CENPU: variants seen among roughly 807,000 people sequenced by gnomAD.
CENPU encodes the protein centromere protein U.
CENPU carries 46 observed loss-of-function variants against 56.7 expected under a neutral mutation model. That is an observed-to-expected ratio of 0.81 (90% CI 0.64 to 1.04). The LOEUF (loss-of-function observed/expected upper bound fraction) is 1.04. CENPU is among the 50% of genes least tolerant of loss of function. The pLI, the probability that CENPU is intolerant of heterozygous loss-of-function variation, is 0.00. For missense variants in CENPU, 510 were observed against 490.1 expected (o/e 1.04, Z -0.38); for synonymous variants, 166 against 163.0 (o/e 1.02, Z -0.14).
At chr4:184,704,792 A>G (rs961239161) in intron 8 of CENPU, among the ~76,000 whole-genome samples, 1 of 152,176 alleles carries the variant, frequency 6.6e-6, no homozygotes, top group East Asian at 1.9e-4. Context: ...ATGAGGAGTC[A>G]TTGCTCGAAT....
intron 7 of CENPU, among the ~76,000 whole-genome samples, chr4:184,711,354 G>A (rs1760918527): frequency 6.6e-6 from 1 of 152,050 alleles, no homozygotes; most frequent in African/African-American, 2.4e-5. Context: ...TGTATGTATT[G>A]TGTAAAAAAA....
chr4:184,712,804 C>A, intron 7 of CENPU, 140 bp downstream of exon 7: 1 of 602,986 alleles, frequency 1.7e-6, no homozygotes. Context: ...AAATGTTACT[C>A]CAAAGTCACA....
At chr4:184,731,008 T>G (rs776748801) in intron 1 of CENPU, 40 bp from the exon 2 acceptor site, 3 of 1,429,828 alleles carry the variant, frequency 2.1e-6, no homozygotes, top group Non-Finnish European at 2.9e-6. Context: ...AGGAAATAGT[T>G]AAAATAACTG....
intron 11 of CENPU, among the ~76,000 whole-genome samples, chr4:184,699,356 A>AAATAAATT (rs60530775): frequency 3.3e-5 from 5 of 151,704 alleles, no homozygotes; most frequent in Middle Eastern, 3.2e-3. Flanking sequence ...ATAAATAAAT[A>AAATAAATT]AAATAAACTT....
intron 6 of CENPU, among the ~76,000 whole-genome samples, chr4:184,714,711 A>G (rs2150216339): frequency 6.6e-6 from 1 of 152,368 alleles, no homozygotes; most frequent in East Asian, 1.9e-4. Context: ...CAAAAACAAC[A>G]TTCAACTAAT....
At chr4:184,700,764 C>A in intron 11 of CENPU, 56 bp downstream of exon 11, 1 of 1,435,224 alleles carries the variant, frequency 7.0e-7, no homozygotes, top group South Asian at 1.1e-5. Context: ...CTAAATGACA[C>A]ACCATCATTA....
At chr4:184,720,114 A>C (rs935319167) in intron 4 of CENPU, among the ~76,000 whole-genome samples, 1 of 152,234 alleles carries the variant, frequency 6.6e-6, no homozygotes, top group African/African-American at 2.4e-5. Context: ...TGTTCTGAGG[A>C]AACTCAAAGA....
At chr4:184,705,838 G>A (rs972350210) in intron 8 of CENPU, among the ~76,000 whole-genome samples, 28 of 152,198 alleles carry the variant, frequency 1.8e-4, no homozygotes, top group Admixed American at 6.5e-5. Flanking sequence ...GACATGCTAA[G>A]TGAAATAAGC....
Position 184,725,032 on chromosome 4 carries a change from G to A in CENPU, c.245C>T (p.Ala82Val), listed in dbSNP as rs1447227798. 1 of 1,611,662 alleles carries A rather than the reference G, an allele frequency of 6.2e-7. No homozygotes were observed. The highest frequency in any genetic ancestry group is 8.5e-7 in the Non-Finnish European group (1 of 1,178,642). Residue 82 changes from alanine (A) to valine (V), a missense_variant, in exon 4 of 13, where the codon GCT (alanine) becomes GTT (valine). Coordinates refer to ENST00000281453, the MANE Select transcript of CENPU (RefSeq NM_024629.4). ...ATGTTTGGAGAATTCTTCTTCATCA[G>A]CATATATAGCTGTGCTATGTAAAGG... ...DPPLHSTAIY[A>V]DEEEFSKHCG...
Position 184,700,514 on chromosome 4 carries a change from CCAAGCAGTT to C in CENPU, c.986+297_986+305del, listed in dbSNP as rs142767471. 9.2e-3 allele frequency among the ~76,000 whole-genome samples: 1,396 copies of C among 152,256 alleles called. 18 individuals carry two copies. Among genetic ancestry groups the C allele is most frequent in the African/African-American group, 0.032 (1,340 of 41,534 alleles). On this transcript the variant is annotated intron_variant, in intron 11 of 12. Transcript: ENST00000281453. ...GTAAGTGGCAGAGCTTGGGTTCAAC[CCAAGCAGTT>C]CAAGCAGTTTAATGTGTAGATTCTA... is the stretch of plus-strand genomic sequence containing the variant.
intron 4 of CENPU, among the ~76,000 whole-genome samples, chr4:184,720,106 T>C (rs1208334427): frequency 6.6e-6 from 1 of 152,172 alleles, no homozygotes; most frequent in African/African-American, 2.4e-5. Flanking sequence ...AAAATAGCTG[T>C]TCTGAGGAAA....
chr4:184,733,484 C>CTTTGGT (rs1761729142), intron 1 of CENPU: 1 of 884,908 alleles, frequency 1.1e-6, no homozygotes, highest in Non-Finnish European at 1.4e-6. Flanking sequence ...TGCAACCGAC[C>CTTTGGT]AAACGCTCGC....
rs564929936 is a variant in CENPU, at chr4:184,696,468, A to G, written c.1144-1067T>C. 2.0e-4 allele frequency among the ~76,000 whole-genome samples: 31 copies of G among 152,326 alleles called. No individual in the cohort carries two copies. In the South Asian group the frequency reaches 4.8e-3, roughly 23 times the overall value. On this transcript the variant is annotated intron_variant, in intron 12 of 12. Coordinates refer to ENST00000281453, the MANE Select transcript of CENPU (RefSeq NM_024629.4). ...AAAGTATTATGTTCAAGCTGAATCAATGCTACAGATAACTTGCCCAAATTT... is the reference window on the plus strand; with the variant it reads ...AAAGTATTATGTTCAAGCTGAATCAGTGCTACAGATAACTTGCCCAAATTT...
At position 184,695,261 on chromosome 4, in the gene CENPU, T is replaced by C. The variant is rs1760221617; in HGVS notation, c.*27A>G. The C allele has an allele frequency of 6.9e-7, 1 of 1,449,940 alleles. No individual in the cohort carries two copies. Among genetic ancestry groups the C allele is most frequent in the Non-Finnish European group, 9.7e-7 (1 of 1,030,880 alleles). 89.8% of individuals were successfully genotyped at this position (1,449,940 alleles called of 1,614,324 possible). A position where few individuals can be genotyped will look rare whatever the true frequency, so the allele number is the denominator to read the frequency against. ...TAACAGCATGAGACTAGTCTTCCTATAGGCACATTTTAGTAGACTGCTCTT... is the reference window on the plus strand; with the variant it reads ...TAACAGCATGAGACTAGTCTTCCTACAGGCACATTTTAGTAGACTGCTCTT... On this transcript the variant is annotated 3_prime_UTR_variant, in exon 13 of 13. Coordinates refer to ENST00000281453, the MANE Select transcript of CENPU (RefSeq NM_024629.4).
chr4:184,695,498 T>G (rs1167957329), intron 12 of CENPU, 97 bp from the exon 13 acceptor site: 2 of 753,470 alleles, frequency 2.7e-6, no homozygotes, highest in Non-Finnish European at 4.6e-6. Flanking sequence ...TTGATTGAGC[T>G]TTCCATTAAC....
At chr4:184,726,572 T>C (rs1436877408) in intron 3 of CENPU, among the ~76,000 whole-genome samples, 2 of 152,152 alleles carry the variant, frequency 1.3e-5, no homozygotes, top group Non-Finnish European at 2.9e-5. Context: ...ACTGTGGAAA[T>C]GGTGATTCCT....
At chr4:184,726,359 G>A (rs1473853992) in intron 3 of CENPU, among the ~76,000 whole-genome samples, 1 of 147,770 alleles carries the variant, frequency 6.8e-6, no homozygotes, top group African/African-American at 2.5e-5. Context: ...TCATACATAA[G>A]AAGGTCAAAG....
chr4:184,708,222 CAAAA>C (rs11322939), intron 8 of CENPU, among the ~76,000 whole-genome samples: 5 of 89,814 alleles, frequency 5.6e-5, no homozygotes, highest in Non-Finnish European at 9.0e-5. Flanking sequence ...GACTCCATCT[CAAAA>C]AAAAAAAAAA....
chr4:184,694,756 A>C lies in CENPU; in HGVS notation c.*532T>G, dbSNP rs777253761. The C allele has an allele frequency of 6.2e-7, 1 of 1,611,670 alleles. No homozygotes were observed. The highest frequency in any genetic ancestry group is 1.1e-5 in the South Asian group (1 of 91,040). On this transcript the variant is annotated 3_prime_UTR_variant, in exon 13 of 13. Coordinates refer to ENST00000281453, the MANE Select transcript of CENPU (RefSeq NM_024629.4). ...AGTGGATGAAATTCCTGATGAACTA[A>C]TTATAGAAGTATTACAAGAGTAACT...
Sources: gnomAD v4.1 joint callset for allele counts (sites outside exome capture counted in the v4.1 genomes callset) on GRCh38, gnomAD v4.1.1 for gene constraint, MANE v1.5 for transcripts, NCBI Gene and HGNC (gene_info 2026-07-23, HGNC 2026-07-21) for gene names.